Variants in FBXL2 observed in about 807,000 individuals in gnomAD.
The protein encoded by FBXL2 is F-box and leucine rich repeat protein 2.
FBXL2 carries 38 observed loss-of-function variants against 69.2 expected under a neutral mutation model. That is an observed-to-expected ratio of 0.55 (90% CI 0.42 to 0.72). The LOEUF (loss-of-function observed/expected upper bound fraction) is 0.72, where lower values mean the gene tolerates loss of function less well. Among genes scored for constraint, FBXL2 ranks in the 30% least tolerant of loss-of-function variants. The pLI is 0.00. For missense variants in FBXL2, 354 were observed against 520.3 expected (o/e 0.68, Z 3.11); for synonymous variants, 192 against 201.3 (o/e 0.95, Z 0.39).
At chr3:33,354,795 G>A (rs2041084220) in intron 2 of FBXL2, among the ~76,000 whole-genome samples, 1 of 152,136 alleles carries the variant, frequency 6.6e-6, no homozygotes, top group Admixed American at 6.5e-5. Context: ...ATAATTATTG[G>A]AAAGGAGGAA....
At chr3:33,417,824 A>G in the FBXL2 span, among the ~76,000 whole-genome samples, 1 of 152,166 alleles carries the variant, frequency 6.6e-6, no homozygotes, top group African/African-American at 2.4e-5. Flanking sequence ...CCTTGTCCAT[A>G]CTCCCAGGGG....
At chr3:33,299,691 G>C (rs2036091892) in intron 2 of FBXL2, among the ~76,000 whole-genome samples, 1 of 152,078 alleles carries the variant, frequency 6.6e-6, no homozygotes, top group South Asian at 2.1e-4. Flanking sequence ...TGACACTGTT[G>C]TCATGAGCTC....
intron 12 of FBXL2, among the ~76,000 whole-genome samples, chr3:33,401,488 G>T (rs770622996): frequency 2.6e-5 from 4 of 152,162 alleles, no homozygotes; most frequent in Non-Finnish European, 5.9e-5. Flanking sequence ...CAAGATTGAT[G>T]AGGGTGAATT....
chr3:33,312,279 A>G (rs936477978), intron 2 of FBXL2, among the ~76,000 whole-genome samples: 9 of 151,844 alleles, frequency 5.9e-5, no homozygotes, highest in African/African-American at 1.7e-4. Flanking sequence ...GCTGGTCTCC[A>G]ACTCCTGGGC....
At chr3:33,344,610 T>G (rs1372539532) in intron 2 of FBXL2, among the ~76,000 whole-genome samples, 3 of 151,864 alleles carry the variant, frequency 2.0e-5, no homozygotes, top group Non-Finnish European at 4.4e-5. Flanking sequence ...GTAAGTAAAA[T>G]TATACACTAT....
At chr3:33,296,936 C>G (rs994777831) in intron 1 of FBXL2, among the ~76,000 whole-genome samples, 1 of 152,112 alleles carries the variant, frequency 6.6e-6, no homozygotes, top group Non-Finnish European at 1.5e-5. Context: ...AAAAAGGCAG[C>G]TGTAATTTTG....
chr3:33,371,670 C>T (rs2042315107), intron 5 of FBXL2, among the ~76,000 whole-genome samples: 1 of 151,880 alleles, frequency 6.6e-6, no homozygotes, highest in South Asian at 2.1e-4. Context: ...ATATATTTTC[C>T]TCCTTCTATG....
intron 10 of FBXL2, among the ~76,000 whole-genome samples, chr3:33,376,122 CTCTAG>C (rs1299592601): frequency 4.9e-5 from 7 of 142,916 alleles, no homozygotes; most frequent in South Asian, 2.3e-4. Flanking sequence ...TGCCACTGCA[CTCTAG>C]TCTAGGTGAC....
downstream of FBXL2, among the ~76,000 whole-genome samples, chr3:33,403,941 C>T (rs981911417): frequency 6.6e-6 from 1 of 152,136 alleles, no homozygotes; most frequent in Admixed American, 6.5e-5. Context: ...CTAACTATAG[C>T]CCTGGGGTTT....
intron 2 of FBXL2, among the ~76,000 whole-genome samples, chr3:33,328,503 T>C (rs530494001): frequency 6.6e-6 from 1 of 152,168 alleles, no homozygotes; most frequent in South Asian, 2.1e-4. Context: ...AACAAACACA[T>C]AGAGCGGTGG....
chr3:33,340,351 T>C (rs916995075), intron 2 of FBXL2, among the ~76,000 whole-genome samples: 23 of 152,210 alleles, frequency 1.5e-4, no homozygotes, highest in Admixed American at 9.8e-4. Context: ...TCCGATATCA[T>C]TGTGCTGCCT....
rs769325037 is a variant in FBXL2, at chr3:33,331,498, C to G, written c.66-27469C>G. On this transcript the variant is annotated intron_variant, in intron 2 of 14. Coordinates refer to ENST00000484457, the MANE Select transcript of FBXL2 (RefSeq NM_012157.5). ...CTGTTCTTCTTAAACAGAGAAATCCCTGTTTCTTCTCAGGGCTCTGGGTGA... is the reference window on the plus strand; with the variant it reads ...CTGTTCTTCTTAAACAGAGAAATCCGTGTTTCTTCTCAGGGCTCTGGGTGA... 1.3e-3 allele frequency among the ~76,000 whole-genome samples: 202 copies of G among 152,152 alleles called. 3 individuals are homozygous for G. Among genetic ancestry groups the G allele is most frequent in the Non-Finnish European group, 9.6e-4 (65 of 68,036 alleles).
chr3:33,278,703 C>G (rs908345035), intron 1 of FBXL2, among the ~76,000 whole-genome samples: 1 of 152,132 alleles, frequency 6.6e-6, no homozygotes, highest in South Asian at 2.1e-4. Flanking sequence ...AAAACATCAC[C>G]CATAAATCAC....
intron 2 of FBXL2, among the ~76,000 whole-genome samples, chr3:33,327,813 A>T (rs2038820351): frequency 6.6e-6 from 1 of 152,098 alleles, no homozygotes; most frequent in South Asian, 2.1e-4. Context: ...TTCACCATTT[A>T]TATTCAGCAT....
At chr3:33,385,229 T>C (rs1204464503) in intron 14 of FBXL2, among the ~76,000 whole-genome samples, 2 of 152,148 alleles carry the variant, frequency 1.3e-5, no homozygotes, top group African/African-American at 4.8e-5. Flanking sequence ...GTGCTACAGC[T>C]GTAGAGAACA....
In FBXL2 at chr3:33,377,268, C is replaced by T. The variant is rs893330568; in HGVS notation, c.789-5C>T. ...TTTTCTCCCCTGTACCCACTTTCTC[C>T]TCAGAATTTTGGAGGCTGCCCGATG... On this transcript the variant is annotated splice_polypyrimidine_tract_variant and splice_region_variant and intron_variant, in intron 10 of 14. Coordinates refer to ENST00000484457, the MANE Select transcript of FBXL2 (RefSeq NM_012157.5). 8.1e-6 allele frequency: 13 copies of T among 1,614,070 alleles called. No individual in the cohort carries two copies. Among genetic ancestry groups the T allele is most frequent in the Non-Finnish European group, 1.1e-5 (13 of 1,179,986 alleles).
Position 33,306,037 on chromosome 3 carries a change from C to T in FBXL2, c.65+8312C>T, listed in dbSNP as rs77379166. On this transcript the variant is annotated intron_variant, in intron 2 of 14. Transcript: ENST00000484457. Reference sequence around the variant, plus strand: ...CGTTTCTATTTTAATAGTTTCCATTCATGTCTCTGTAAAAATTTTTTCTTT... The same window carrying T: ...CGTTTCTATTTTAATAGTTTCCATTTATGTCTCTGTAAAAATTTTTTCTTT... Among the ~76,000 whole-genome samples the T allele has an allele frequency of 9.8e-4, 149 of 152,004 alleles. 2 individuals are homozygous for T. In the East Asian group the frequency reaches 0.028, roughly 28 times the overall value.
At chr3:33,379,320 A>G (rs992793018) in intron 13 of FBXL2, among the ~76,000 whole-genome samples, 2 of 151,822 alleles carry the variant, frequency 1.3e-5, no homozygotes, top group East Asian at 1.9e-4. Context: ...CATCAATTCT[A>G]TACACTCTGT....
chr3:33,296,358 G>A lies in FBXL2; in HGVS notation c.4-1306G>A, dbSNP rs368550107. Reference sequence around the variant, plus strand: ...TAGGATTACAGGCATGAGCTGCCACGCCCAGCCAGGTCTTTTGTTTTGATG... The same window carrying A: ...TAGGATTACAGGCATGAGCTGCCACACCCAGCCAGGTCTTTTGTTTTGATG... On this transcript the variant is annotated intron_variant, in intron 1 of 14. Transcript: ENST00000484457. Among the ~76,000 whole-genome samples, 8 of 152,212 alleles carry A rather than the reference G, an allele frequency of 5.3e-5. No individual in the cohort carries two copies. The East Asian group carries it at 5.8e-4, about 11-fold the overall frequency.
Sources: gnomAD v4.1 joint callset for allele counts (sites outside exome capture counted in the v4.1 genomes callset) on GRCh38, gnomAD v4.1.1 for gene constraint, MANE v1.5 for transcripts, NCBI Gene and HGNC (gene_info 2026-07-23, HGNC 2026-07-21) for gene names.